TBC1D8B: variants seen among roughly 807,000 people sequenced by gnomAD.
TBC1D8B encodes TBC1 domain family member 8B, also known as RP11-321G1.1.
In TBC1D8B, 75 loss-of-function variants were observed where a neutral mutation model predicts 82.9. The observed-to-expected ratio is 0.90, with a 90% CI of 0.75 to 1.10. The LOEUF is 1.10. Ranked by LOEUF, TBC1D8B falls within the 50% of genes least tolerant of loss-of-function variation. The pLI is 0.00. For synonymous variants in TBC1D8B, 276 were observed against 276.8 expected (o/e 1.00, Z 0.03); for missense variants, 794 against 796.9 (o/e 1.00, Z 0.04).
intron 10 of TBC1D8B, among the ~76,000 whole-genome samples, chrX:106,845,176 T>C (rs1043735034): frequency 3.0e-4 from 33 of 110,585 alleles, no homozygotes; most frequent in African/African-American, 7.2e-4. Context: ...TTCTTGCTCT[T>C]TTTTTTTGGA....
chrX:106,811,932 G>T (rs190230257), intron 1 of TBC1D8B, among the ~76,000 whole-genome samples: 4 of 110,871 alleles, frequency 3.6e-5, no homozygotes, highest in African/African-American at 1.3e-4. Flanking sequence ...TATATCAATT[G>T]CTTCCCTAAA....
chrX:106,849,220 A>ATTTTTTTTT lies in TBC1D8B; in HGVS notation c.1838-791_1838-783dup, dbSNP rs761948032. 48 of 879,213 alleles carry ATTTTTTTTT rather than the reference A, an allele frequency of 5.5e-5. 7 individuals are homozygous for ATTTTTTTTT. The highest frequency in any genetic ancestry group is 4.4e-4 in the Middle Eastern group (1 of 2,262). 72.5% of individuals were successfully genotyped at this position (879,213 alleles called of 1,213,427 possible). On this transcript the variant is annotated intron_variant, in intron 11 of 20. Transcript: ENST00000357242. ...TGTCTTTCATTATAATTATTTGTGT[A>ATTTTTTTTT]TTTTTTTTTTTTTTTTTTTTTTAGG...
chrX:106,866,684 T>C, intron 16 of TBC1D8B, 113 bp from the exon 17 acceptor site: 1 of 498,865 alleles, frequency 2.0e-6, no homozygotes, highest in Non-Finnish European at 3.2e-6. Flanking sequence ...AAGTAACAGG[T>C]TTCTAAATCC....
rs1215471110 is a variant in TBC1D8B at position 106,826,254 on chromosome X, T to C, written c.1035+17T>C. 2 of 1,180,521 alleles carry C rather than the reference T, an allele frequency of 1.7e-6. No homozygotes were observed. The highest frequency in any genetic ancestry group is 2.3e-6 in the Non-Finnish European group (2 of 871,137). ...CTACGAGAGGTAATGTAAATTTGGTTACATATCAGTTTTTAGTTTGAAAAT... is the reference window on the plus strand; with the variant it reads ...CTACGAGAGGTAATGTAAATTTGGTCACATATCAGTTTTTAGTTTGAAAAT... On this transcript the variant is annotated intron_variant, in intron 6 of 20. Transcript: ENST00000357242.
At chrX:106,822,913 G>C (rs1346511641) in intron 4 of TBC1D8B, among the ~76,000 whole-genome samples, 1 of 110,253 alleles carries the variant, frequency 9.1e-6, no homozygotes, top group Non-Finnish European at 1.9e-5. Flanking sequence ...GGACTACTTG[G>C]GATGTGAGAA....
chrX:106,803,825 T>G (rs1338122052), intron 1 of TBC1D8B, among the ~76,000 whole-genome samples: 2 of 111,773 alleles, frequency 1.8e-5, no homozygotes, highest in African/African-American at 6.5e-5. Context: ...GTAGGGATAT[T>G]TAAAGTTTTG....
At chrX:106,808,327 G>C (rs908263167) in intron 1 of TBC1D8B, among the ~76,000 whole-genome samples, 2 of 111,324 alleles carry the variant, frequency 1.8e-5, no homozygotes, top group Non-Finnish European at 3.8e-5. Flanking sequence ...TGAAACTTGT[G>C]AGCAACTATA....
chrX:106,851,538 T>C (rs1243583492), intron 12 of TBC1D8B, among the ~76,000 whole-genome samples: 1 of 111,514 alleles, frequency 9.0e-6, no homozygotes. Flanking sequence ...TAACATTAGG[T>C]ATATCTCCTA....
intron 1 of TBC1D8B, 116 bp downstream of exon 1, chrX:106,803,099 G>A (rs1931079007): frequency 1.1e-6 from 1 of 900,911 alleles, no homozygotes; most frequent in Non-Finnish European, 1.5e-6. Context: ...TGGGCGGAGG[G>A]ACTGGGGTTC....
chrX:106,835,250 T>G (rs1309614459), intron 7 of TBC1D8B, among the ~76,000 whole-genome samples: 2 of 112,813 alleles, frequency 1.8e-5, no homozygotes, highest in Non-Finnish European at 3.7e-5. Context: ...ACACCATGTG[T>G]AAGCCACTAA....
intron 7 of TBC1D8B, among the ~76,000 whole-genome samples, chrX:106,833,308 G>T (rs963705319): frequency 1.8e-5 from 2 of 111,590 alleles, no homozygotes; most frequent in Non-Finnish European, 3.8e-5. Context: ...AACAATCTAT[G>T]TTGCTTTCTA....
chrX:106,804,542 G>A (rs963770328), intron 1 of TBC1D8B, among the ~76,000 whole-genome samples: 1 of 111,620 alleles, frequency 9.0e-6, no homozygotes, highest in Non-Finnish European at 1.9e-5. Context: ...TAGAATCGAT[G>A]TTCATAATTA....
intron 7 of TBC1D8B, among the ~76,000 whole-genome samples, chrX:106,831,360 G>T (rs1055316916): frequency 4.6e-4 from 51 of 110,957 alleles, no homozygotes; most frequent in African/African-American, 1.6e-3. Flanking sequence ...TCCAGACGCA[G>T]AATTTCTACA....
chrX:106,807,941 T>A (rs894250552), intron 1 of TBC1D8B, among the ~76,000 whole-genome samples: 10 of 110,070 alleles, frequency 9.1e-5, no homozygotes, highest in Non-Finnish European at 1.5e-4. Context: ...TAGTCCCAGC[T>A]ACTGATGAGG....
At chrX:106,850,463 G>A (rs902571201) in intron 12 of TBC1D8B, among the ~76,000 whole-genome samples, 153 bp downstream of exon 12, 4 of 111,837 alleles carry the variant, frequency 3.6e-5, no homozygotes. Flanking sequence ...CTAAAGTCCA[G>A]TCCTCTATCT....
At position 106,873,450 on chromosome X, in the gene TBC1D8B, A is replaced by C. The variant is rs187492945; in HGVS notation, c.2968-120A>C. 1.1e-3 allele frequency: 811 copies of C among 752,360 alleles called. 2 individuals carry two copies. The African/African-American group carries it at 0.015, about 14-fold the overall frequency. The allele number at this position is 752,360 out of a possible 1,213,427, so 62.0% of individuals were successfully genotyped here. On this transcript the variant is annotated intron_variant, in intron 20 of 20. Coordinates refer to ENST00000357242, the MANE Select transcript of TBC1D8B (RefSeq NM_017752.3). ...TTGGGGTTAATCACCAGTTCTTATA[A>C]CTTCTAGGGTGAAGCTTCTATGGTA...
rs190297859 is a variant in TBC1D8B, at chrX:106,873,005, C to T, written c.2968-565C>T. Among the ~76,000 whole-genome samples the T allele has an allele frequency of 3.4e-4, 38 of 112,005 alleles. No individual in the cohort carries two copies. The East Asian group carries it at 0.011, about 31-fold the overall frequency. ...AATAGCACCTAACATTTAAGTAATG[C>T]TGGCAGGCAAACAGTCCAGGAATTA... On this transcript the variant is annotated intron_variant, in intron 20 of 20. Transcript: ENST00000357242.
chrX:106,833,114 C>A (rs1485751335), intron 7 of TBC1D8B, among the ~76,000 whole-genome samples: 2 of 110,867 alleles, frequency 1.8e-5, no homozygotes, highest in African/African-American at 3.3e-5. Context: ...GCCCCCAAAC[C>A]ACCATTTATT....
At chrX:106,858,285 TG>T (rs768170103) in intron 14 of TBC1D8B, among the ~76,000 whole-genome samples, 11 of 111,746 alleles carry the variant, frequency 9.8e-5, no homozygotes, top group Non-Finnish European at 1.9e-4. Flanking sequence ...TTTTTGTTTT[TG>T]TTTTGAGACA....
Sources: allele counts gnomAD v4.1 joint callset (sites outside exome capture counted in the v4.1 genomes callset), GRCh38; gene constraint gnomAD v4.1.1; transcripts MANE v1.5; gene names NCBI Gene and HGNC (gene_info 2026-07-23, HGNC 2026-07-21).